Variants in ANK2 observed in about 807,000 individuals in gnomAD.
ANK2 encodes ankyrin 2.
A neutral mutation model predicts 360.5 loss-of-function variants in ANK2; 83 were observed. That is an observed-to-expected ratio of 0.23 (90% CI 0.19 to 0.28). ANK2 has a LOEUF of 0.28. ANK2 is among the 10% of genes least tolerant of loss of function. ANK2 has a pLI of 1.00. For synonymous variants in ANK2, 1,740 were observed against 1,759.5 expected (o/e 0.99, Z 0.28); for missense variants, 4,201 against 4,795.7 (o/e 0.88, Z 3.66).
chr4:112,744,349 A>ATTTT, the ANK2 span, among the ~76,000 whole-genome samples: 233 of 140,134 alleles, frequency 1.7e-3, no homozygotes, highest in Non-Finnish European at 2.8e-3. Context: ...TTAGGATATG[A>ATTTT]TTTTTTTTTT....
intron 1 of ANK2, among the ~76,000 whole-genome samples, chr4:112,881,225 C>T (rs1455597682): frequency 6.6e-6 from 1 of 152,128 alleles, no homozygotes; most frequent in Non-Finnish European, 1.5e-5. Context: ...ATCACTTGAG[C>T]TCAGGAGTTG....
At chr4:113,259,947 G>A (rs1036629736) in intron 13 of ANK2, among the ~76,000 whole-genome samples, 3 of 151,624 alleles carry the variant, frequency 2.0e-5, no homozygotes, top group African/African-American at 4.8e-5. Flanking sequence ...GTTCTTGCCC[G>A]CCTTTTCCTT....
At chr4:113,220,186 T>TAAG (rs2099134468) in intron 4 of ANK2, among the ~76,000 whole-genome samples, 1 of 152,168 alleles carries the variant, frequency 6.6e-6, no homozygotes, top group African/African-American at 2.4e-5. Flanking sequence ...AAAAGAGAAT[T>TAAG]CGAGTTTGGT....
chr4:113,290,079 A>G (rs1231255523), intron 20 of ANK2, among the ~76,000 whole-genome samples: 2 of 152,170 alleles, frequency 1.3e-5, no homozygotes, highest in African/African-American at 2.4e-5. Flanking sequence ...TATATTGTCT[A>G]GAGAATATCA....
Position 113,370,824 on chromosome 4 carries a change from G to A in ANK2, c.11610+1019G>A, listed in dbSNP as rs117822973. ...AATGTGGTCTATATAGTTCACATACGTCAGAATTGATTGGAGAGCTTGATC... is the reference window on the plus strand; with the variant it reads ...AATGTGGTCTATATAGTTCACATACATCAGAATTGATTGGAGAGCTTGATC... On this transcript the variant is annotated intron_variant, in intron 43 of 45. Coordinates refer to ENST00000357077, the MANE Select transcript of ANK2 (RefSeq NM_001148.6). Among the ~76,000 whole-genome samples the A allele has an allele frequency of 1.1e-4, 16 of 152,218 alleles. No individual in the cohort carries two copies. The East Asian group carries it at 2.5e-3, about 24-fold the overall frequency.
intron 45 of ANK2, among the ~76,000 whole-genome samples, chr4:113,376,532 C>T (rs1346860707): frequency 6.6e-6 from 1 of 152,150 alleles, no homozygotes; most frequent in African/African-American, 2.4e-5. Flanking sequence ...AAACACTGTA[C>T]ACTTAGGCTA....
At chr4:113,028,743 C>A (rs1579413608) in intron 2 of ANK2, among the ~76,000 whole-genome samples, 4 of 151,920 alleles carry the variant, frequency 2.6e-5, no homozygotes, top group African/African-American at 9.7e-5. Context: ...GGATAAGAAA[C>A]CTAAAATAAA....
intron 1 of ANK2, chr4:112,826,474 A>C (rs746695723): frequency 9.0e-7 from 1 of 1,115,626 alleles, no homozygotes; most frequent in Non-Finnish European, 1.4e-6. Flanking sequence ...CCATCTGTGA[A>C]ACCTTTTGTT....
intron 1 of ANK2, among the ~76,000 whole-genome samples, chr4:113,068,106 A>G (rs1396482181): frequency 1.3e-5 from 2 of 152,124 alleles, no homozygotes; most frequent in Admixed American, 6.6e-5. Context: ...TTTCTTTCTC[A>G]TTAGTTTCCC....
intron 21 of ANK2, 57 bp from the exon 22 acceptor site, chr4:113,293,383 C>T: frequency 6.7e-7 from 1 of 1,483,832 alleles, no homozygotes. Flanking sequence ...AGCTCATTGG[C>T]TCACATCGCA....
chr4:112,857,401 ATAT>A (rs1247517154), intron 1 of ANK2, among the ~76,000 whole-genome samples: 3 of 152,210 alleles, frequency 2.0e-5, no homozygotes, highest in African/African-American at 7.2e-5. Context: ...CACCATAAAC[ATAT>A]TATGCCAAAT....
intron 2 of ANK2, among the ~76,000 whole-genome samples, chr4:113,187,483 C>T (rs1447582011): frequency 1.3e-5 from 2 of 152,120 alleles, no homozygotes; most frequent in Admixed American, 1.3e-4. Context: ...TTAAAAAAGA[C>T]ACTAGTTTCT....
Position 112,890,536 on chromosome 4 carries a change from T to G in ANK2, c.-39-13919T>G, listed in dbSNP as rs115774018. The stretch of plus-strand genomic sequence containing the variant: ...GAAGAATAAAGTTTGTAGCAGGAAT[T>G]TATGATATACATTTCTGTGGTTTTT... On this transcript the variant is annotated intron_variant, in intron 1 of 30. Transcript: ENST00000503271. Among the ~76,000 whole-genome samples the G allele has an allele frequency of 5.9e-3, 898 of 151,078 alleles. 13 individuals carry two copies. Among genetic ancestry groups the G allele is most frequent in the African/African-American group, 0.021 (852 of 41,158 alleles).
At chr4:112,826,501 C>A in intron 1 of ANK2, 1 of 1,188,556 alleles carries the variant, frequency 8.4e-7, no homozygotes, top group Non-Finnish European at 1.2e-6. Context: ...ACTGGGACCA[C>A]ATCTGACAAG....
At position 113,040,119 on chromosome 4, in the gene ANK2, A is replaced by G. The variant is rs145834864; in HGVS notation, c.22-134297A>G. ...AACCCAATTATAACAGCTATTTTCA[A>G]GAACTAATATCACTAGAGACTGAAT... On this transcript the variant is annotated intron_variant, in intron 2 of 30. Coordinates refer to the ANK2 transcript ENST00000503271. 1.5e-3 allele frequency among the ~76,000 whole-genome samples: 229 copies of G among 152,190 alleles called. 4 individuals are homozygous for G. The highest frequency in any genetic ancestry group is 0.014 in the Admixed American group (207 of 15,256).
Position 113,356,948 on chromosome 4 carries a change from G to A in ANK2, c.8330G>A (p.Cys2777Tyr). The A allele has an allele frequency of 1.9e-6, 3 of 1,614,042 alleles. No homozygotes were observed. The highest frequency in any genetic ancestry group is 2.5e-6 in the Non-Finnish European group (3 of 1,179,952). Reference protein sequence around the residue: ...DQPKICDGHGCEAMSPSSSAA... With the variant: ...DQPKICDGHGYEAMSPSSSAA... ...CCAAAAATCTGTGATGGCCATGGAT[G>A]TGAGGCCATGAGTCCTAGCAGCTCA... The change falls in exon 38 of 46, where the codon TGT becomes TAT. Residue 2777 changes from cysteine to tyrosine, a missense_variant. Transcript: ENST00000357077.
At chr4:112,938,265 T>G (rs2093922156) in intron 2 of ANK2, among the ~76,000 whole-genome samples, 1 of 152,198 alleles carries the variant, frequency 6.6e-6, no homozygotes, top group South Asian at 2.1e-4. Context: ...GAGTTACCCC[T>G]GGTGACTCAT....
At chr4:112,969,523 GA>G (rs1408062662) in intron 2 of ANK2, among the ~76,000 whole-genome samples, 1 of 152,182 alleles carries the variant, frequency 6.6e-6, no homozygotes, top group Non-Finnish European at 1.5e-5. Context: ...AAGGCTTAAA[GA>G]AAATGAAGAC....
intron 2 of ANK2, among the ~76,000 whole-genome samples, chr4:113,183,066 A>G (rs868656886): frequency 2.0e-5 from 3 of 152,016 alleles, no homozygotes; most frequent in Admixed American, 6.6e-5. Flanking sequence ...AGAATCGTGG[A>G]TAGTTCAGGA....
Sources: gnomAD v4.1 joint callset for allele counts (sites outside exome capture counted in the v4.1 genomes callset) on GRCh38, gnomAD v4.1.1 for gene constraint, MANE v1.5 for transcripts, NCBI Gene and HGNC (gene_info 2026-07-23, HGNC 2026-07-21) for gene names.